Variants in ABCA12 observed in about 807,000 individuals in gnomAD.
ABCA12 encodes ATP binding cassette subfamily A member 12.
Under a neutral mutation model 293.5 loss-of-function variants are expected in ABCA12, and 156 were observed. That is an observed-to-expected ratio of 0.53 (90% CI 0.47 to 0.61). The LOEUF (loss-of-function observed/expected upper bound fraction) is 0.61. Among genes scored for constraint, ABCA12 ranks in the 20% least tolerant of loss-of-function variants. The pLI, the probability that ABCA12 is intolerant of heterozygous loss-of-function variation, is 0.00. For missense variants in ABCA12, 2,797 were observed against 3,090.2 expected, an observed-to-expected ratio of 0.91 and a Z score of 2.25; for synonymous variants, 1,063 against 1,108.0, an observed-to-expected ratio of 0.96 and a Z score of 0.81.
chr2:215,031,474 A>T (rs1700875975), intron 9 of ABCA12, among the ~76,000 whole-genome samples: 1 of 152,186 alleles, frequency 6.6e-6, no homozygotes, highest in Non-Finnish European at 1.5e-5. Flanking sequence ...AGCAAGACAG[A>T]TACTTACACA....
intron 2 of ABCA12, among the ~76,000 whole-genome samples, chr2:215,066,048 A>G (rs953791056): frequency 6.6e-6 from 1 of 152,100 alleles, no homozygotes; most frequent in Non-Finnish European, 1.5e-5. Context: ...TTTTCACTGT[A>G]TGCAATTCCC....
intron 40 of ABCA12, 67 bp from the exon 41 acceptor site, chr2:214,958,521 T>C: frequency 6.5e-7 from 1 of 1,534,776 alleles, no homozygotes; most frequent in East Asian, 2.4e-5. Flanking sequence ...TTCAGAAAGA[T>C]TCATAACTAA....
At position 214,961,576 on chromosome 2, in the gene ABCA12, A is replaced by G. The variant is rs1699114105; in HGVS notation, c.5885-2498T>C. On this transcript the variant is annotated intron_variant, in intron 39 of 52. Coordinates refer to ENST00000272895, the MANE Select transcript of ABCA12 (RefSeq NM_173076.3). Reference sequence around the variant, plus strand: ...ATCTTTGCTACATTTTCCCCTAGTTATTTCTATAGTTCTTATACTTTCATT... The same window carrying G: ...ATCTTTGCTACATTTTCCCCTAGTTGTTTCTATAGTTCTTATACTTTCATT... Among the ~76,000 whole-genome samples the G allele has an allele frequency of 3.9e-5, 6 of 152,032 alleles. No homozygotes were observed. The South Asian group carries it at 1.2e-3, about 32-fold the overall frequency.
At chr2:215,072,583 G>A (rs560884363) in intron 2 of ABCA12, among the ~76,000 whole-genome samples, 16 of 152,190 alleles carry the variant, frequency 1.1e-4, no homozygotes, top group South Asian at 2.1e-4. Context: ...ATGTAGCTCC[G>A]TCTTTTCTGA....
intron 1 of ABCA12, among the ~76,000 whole-genome samples, chr2:215,114,495 TA>T (rs775616342): frequency 9.2e-5 from 14 of 152,204 alleles, no homozygotes; most frequent in Non-Finnish European, 1.8e-4. Flanking sequence ...CAAAGTCATA[TA>T]TCCAATTGTG....
intron 23 of ABCA12, among the ~76,000 whole-genome samples, chr2:214,992,472 A>AC (rs1390964428): frequency 2.7e-5 from 4 of 149,300 alleles, no homozygotes; most frequent in African/African-American, 4.9e-5. Flanking sequence ...GAAAAAAAAA[A>AC]AAAAACAATT....
At chr2:214,981,752 G>A (rs948761479) in intron 30 of ABCA12, among the ~76,000 whole-genome samples, 6 of 137,436 alleles carry the variant, frequency 4.4e-5, no homozygotes, top group East Asian at 2.2e-4. Flanking sequence ...CAGAAAAGTC[G>A]TCAAGCTGGT....
intron 19 of ABCA12, among the ~76,000 whole-genome samples, chr2:215,007,158 A>C (rs991250114): frequency 1.6e-4 from 25 of 152,166 alleles, no homozygotes; most frequent in African/African-American, 6.0e-4. Flanking sequence ...TACAGGCGTG[A>C]GCTACCGCAC....
chr2:215,109,083 G>T (rs567382889), intron 2 of ABCA12, among the ~76,000 whole-genome samples: 5 of 151,110 alleles, frequency 3.3e-5, no homozygotes, highest in East Asian at 3.9e-4. Context: ...AAAAGGAGGC[G>T]GGGGGGCAAG....
rs369592593 is a variant in ABCA12 at position 215,049,592 on chromosome 2, T to G, written c.693+34A>C. On this transcript the variant is annotated intron_variant, in intron 6 of 52. Coordinates refer to ENST00000272895, the MANE Select transcript of ABCA12 (RefSeq NM_173076.3). ...TATAGATTTACCCTTTAATTCATGT[T>G]GAGTCACTTTGTGGATCAAAGATCT... 7 of 1,592,746 alleles carry G rather than the reference T, an allele frequency of 4.4e-6. No individual in the cohort carries two copies. The African/African-American group carries it at 9.5e-5, about 22-fold the overall frequency.
intron 44 of ABCA12, among the ~76,000 whole-genome samples, chr2:214,952,377 C>T (rs908163583): frequency 5.3e-5 from 8 of 152,040 alleles, no homozygotes; most frequent in Admixed American, 3.3e-4. Context: ...CGTGCCATCA[C>T]GTCCAGCTAG....
At chr2:215,124,327 A>G (rs113059215) in intron 1 of ABCA12, among the ~76,000 whole-genome samples, 5,220 of 152,292 alleles carry the variant, frequency 0.034, 146 homozygotes, top group African/African-American at 0.065. Context: ...GTAGATATCC[A>G]GTAGTGGGAT....
Position 215,017,995 on chromosome 2 carries a change from C to T in ABCA12, c.1782+13G>A, listed in dbSNP as rs1392795016. ...TAAGAACTGCATGTAAGTACAAACA[C>T]ATGACACCCCACCTCAGCTCTATTA... On this transcript the variant is annotated intron_variant, in intron 14 of 52. Coordinates refer to ENST00000272895, the MANE Select transcript of ABCA12 (RefSeq NM_173076.3). 1 of 1,614,088 alleles carries T rather than the reference C, an allele frequency of 6.2e-7. No homozygotes were observed. Among genetic ancestry groups the T allele is most frequent in the South Asian group, 1.1e-5 (1 of 91,078 alleles).
Position 215,019,545 on chromosome 2 carries a change from C to T in ABCA12, c.1539G>A (p.Met513Ile). The T allele has an allele frequency of 6.2e-7, 1 of 1,614,140 alleles. No homozygotes were observed. Among genetic ancestry groups the T allele is most frequent in the Non-Finnish European group, 8.5e-7 (1 of 1,180,012 alleles). ...TGDPSKINLN[M>I]DQFLEQALQM... ...AAGACAATGGAAAAACTTACTGATC[C>T]ATATTTAAATTAATTTTGCTTGGAT... The change falls in exon 12 of 53, where the codon ATG becomes ATA. Residue 513 changes from methionine to isoleucine, a missense_variant. Met to Ile is a conservative substitution (Grantham distance 10). Transcript: ENST00000272895.
At position 214,945,130 on chromosome 2, in the gene ABCA12, T is replaced by G. The variant is rs1229783605; in HGVS notation, c.7240-26A>C. On this transcript the variant is annotated intron_variant, in intron 48 of 52. Transcript: ENST00000272895. ...CTTAATAGAAAGTTACAACAAAAAT[T>G]TATCAAATTAATTAATTTTTGATGA... 4.5e-6 allele frequency: 7 copies of G among 1,562,716 alleles called. No individual in the cohort carries two copies. The South Asian group carries it at 4.5e-5, about 10-fold the overall frequency.
chr2:214,983,705 A>G lies in ABCA12; in HGVS notation c.4324T>C (p.Tyr1442His). The G allele has an allele frequency of 1.9e-6, 3 of 1,614,136 alleles. No individual in the cohort carries two copies. Among genetic ancestry groups the G allele is most frequent in the African/African-American group, 1.3e-5 (1 of 75,040 alleles). Residue 1442 changes from tyrosine (Y) to histidine (H), a missense_variant, in exon 29 of 53, where the codon TAT (tyrosine) becomes CAT (histidine). By Grantham distance (83) the Tyr-to-His change is moderately conservative. Transcript: ENST00000272895. ...CAGTGAGGAACTTTGATGGAACCAT[A>G]TAGGAGAAGGTGCTCCTTAGTAGTG... ...YLTTKEHLLL[Y>H]GSIKVPHWTK... is the part of the protein sequence containing the mutation.
chr2:214,978,734 G>A (rs1247150414), intron 32 of ABCA12, 70 bp downstream of exon 32: 2 of 1,505,066 alleles, frequency 1.3e-6, no homozygotes, highest in Non-Finnish European at 1.8e-6. Flanking sequence ...TAGAAAAATG[G>A]CACATATTTC....
At chr2:214,950,754 C>G in intron 45 of ABCA12, 125 bp downstream of exon 45, 7 of 1,014,370 alleles carry the variant, frequency 6.9e-6, no homozygotes, top group Non-Finnish European at 1.1e-5. Context: ...ATCCACCCAC[C>G]TCGGCCTCCC....
At position 215,134,648 on chromosome 2, in the gene ABCA12, G is replaced by GAGAGAGAGAGAGAGAGAGACAAAC. The variant is rs1426623302; in HGVS notation, c.69+3491_69+3492insGTTTGTCTCTCTCTCTCTCTCTCT. Among the ~76,000 whole-genome samples the GAGAGAGAGAGAGAGAGAGACAAAC allele has an allele frequency of 2.9e-3, 216 of 73,712 alleles. 3 individuals carry two copies. In the African/African-American group the frequency reaches 0.035, roughly 12 times the overall value. The allele number at this position is 73,712 out of a possible 152,430, so 48.4% of individuals were successfully genotyped here. On this transcript the variant is annotated intron_variant, in intron 1 of 52. Coordinates refer to ENST00000272895, the MANE Select transcript of ABCA12 (RefSeq NM_173076.3). ...AGAGAGAGAGAGAGAGAGACAAACA[G>GAGAGAGAGAGAGAGAGAGACAAAC]AGAGAGAGAGAGAGAGAGAGACAGG...
Sources: allele counts gnomAD v4.1 joint callset (sites outside exome capture counted in the v4.1 genomes callset), GRCh38; gene constraint gnomAD v4.1.1; transcripts MANE v1.5; gene names NCBI Gene and HGNC (gene_info 2026-07-23, HGNC 2026-07-21).